Variants in DSCAML1 observed in about 807,000 individuals in gnomAD.
DSCAML1 encodes the protein DS cell adhesion molecule like 1.
DSCAML1 carries 38 observed loss-of-function variants against 200.5 expected under a neutral mutation model. That is an observed-to-expected ratio of 0.19 (90% CI 0.15 to 0.25). DSCAML1 has a LOEUF of 0.25. DSCAML1 is among the 10% of genes least tolerant of loss of function. DSCAML1 has a pLI of 1.00. For synonymous variants in DSCAML1, 1,215 were observed against 1,165.0 expected (o/e 1.04, Z -0.87); for missense variants, 2,223 against 2,858.8 (o/e 0.78, Z 5.07).
At chr11:117,719,861 C>T (rs955337086) in intron 3 of DSCAML1, among the ~76,000 whole-genome samples, 3 of 152,200 alleles carry the variant, frequency 2.0e-5, no homozygotes, top group African/African-American at 7.2e-5. Flanking sequence ...TCCTTCATCA[C>T]TGGAAAAATA....
intron 3 of DSCAML1, among the ~76,000 whole-genome samples, chr11:117,739,022 T>C (rs998868843): frequency 1.3e-5 from 2 of 152,250 alleles, no homozygotes; most frequent in African/African-American, 4.8e-5. Context: ...ACATGTAGTT[T>C]GTAGGGTTTG....
chr11:117,739,760 C>T (rs1371784001), intron 3 of DSCAML1, among the ~76,000 whole-genome samples: 2 of 152,092 alleles, frequency 1.3e-5, no homozygotes, highest in Non-Finnish European at 2.9e-5. Flanking sequence ...ATGAGTTGAT[C>T]ACCCCAACAC....
At chr11:117,529,141 C>A (rs777976319) in intron 4 of DSCAML1, among the ~76,000 whole-genome samples, 1 of 152,026 alleles carries the variant, frequency 6.6e-6, no homozygotes, top group Admixed American at 6.6e-5. Context: ...CATGATCTCG[C>A]GTTCTCGGTT....
rs577470726 is a variant in DSCAML1, at chr11:117,480,321, G to A, written c.2785+122C>T. ...TGCTTGTGCACTGGTGGGTGCTTGTGTGTCTAGCTTGGATGGGCAGCCCTA... is the reference window on the plus strand; with the variant it reads ...TGCTTGTGCACTGGTGGGTGCTTGTATGTCTAGCTTGGATGGGCAGCCCTA... On this transcript the variant is annotated intron_variant, in intron 14 of 32. Coordinates refer to ENST00000651296, the MANE Select transcript of DSCAML1 (RefSeq NM_020693.4). This position sits in a 1 kb window ranked among gnomAD's most constrained non-coding sequence, Gnocchi z 4.1. 12 of 1,431,900 alleles carry A rather than the reference G, an allele frequency of 8.4e-6. No individual in the cohort carries two copies. In the East Asian group the frequency reaches 1.5e-4, roughly 18 times the overall value. The allele number at this position is 1,431,900 out of a possible 1,614,324, so 88.7% of individuals were successfully genotyped here. A position where few individuals can be genotyped will look rare whatever the true frequency, so the allele number is the denominator to read the frequency against.
intron 3 of DSCAML1, among the ~76,000 whole-genome samples, chr11:117,695,311 T>TTTTA (rs2053568960): frequency 6.8e-6 from 1 of 146,070 alleles, no homozygotes. Flanking sequence ...CTTTCTTTCT[T>TTTTA]TTTCTTTTTT....
intron 3 of DSCAML1, among the ~76,000 whole-genome samples, chr11:117,641,969 A>T (rs535536095): frequency 8.5e-5 from 13 of 152,142 alleles, no homozygotes; most frequent in African/African-American, 3.1e-4. Flanking sequence ...TTGGGCTGGG[A>T]TCCCAAGCTA....
intron 3 of DSCAML1, among the ~76,000 whole-genome samples, chr11:117,732,533 T>G (rs2054240391): frequency 1.3e-5 from 2 of 152,206 alleles, no homozygotes; most frequent in Admixed American, 1.3e-4. Context: ...TGTATCTGGA[T>G]GAAGGCTGGA....
chr11:117,677,224 C>T (rs150447459), intron 3 of DSCAML1, among the ~76,000 whole-genome samples: 52 of 152,290 alleles, frequency 3.4e-4, no homozygotes, highest in African/African-American at 1.2e-3. Flanking sequence ...GCGACAAGGA[C>T]CTCTAGATTC....
intron 3 of DSCAML1, among the ~76,000 whole-genome samples, chr11:117,631,862 C>T (rs2052181356): frequency 6.6e-6 from 1 of 152,202 alleles, no homozygotes; most frequent in Non-Finnish European, 1.5e-5. Context: ...AGGAGAAGGC[C>T]CCTAAGCTAA....
At chr11:117,804,689 G>C (rs556882503) in intron 1 of DSCAML1, among the ~76,000 whole-genome samples, 1 of 152,132 alleles carries the variant, frequency 6.6e-6, no homozygotes, top group Admixed American at 6.5e-5. Context: ...CCAGCACTTC[G>C]AGAGGCTGAG....
At chr11:117,650,038 C>T (rs1208116038) in intron 3 of DSCAML1, among the ~76,000 whole-genome samples, 5 of 152,208 alleles carry the variant, frequency 3.3e-5, no homozygotes, top group Non-Finnish European at 5.9e-5. Flanking sequence ...ACAGGCTAGG[C>T]CACTAACTGG....
At chr11:117,724,643 G>A (rs2054093108) in intron 3 of DSCAML1, among the ~76,000 whole-genome samples, 1 of 152,246 alleles carries the variant, frequency 6.6e-6, no homozygotes, top group Admixed American at 6.5e-5. Flanking sequence ...TGTGGCTCCT[G>A]TAAGTAATTC....
intron 5 of DSCAML1, among the ~76,000 whole-genome samples, chr11:117,522,579 G>C (rs1940040): frequency 0.16 from 25,065 of 152,142 alleles, 2,310 homozygotes; most frequent in South Asian, 0.31. Context: ...AGCTCATGTG[G>C]GCCGAGTGCA....
chr11:117,434,012 A>G (rs913775579), intron 27 of DSCAML1, among the ~76,000 whole-genome samples: 13 of 152,238 alleles, frequency 8.5e-5, no homozygotes, highest in African/African-American at 3.1e-4. Flanking sequence ...GGAGCCTTGA[A>G]TAAGATCAGG....
chr11:117,481,251 C>G lies in DSCAML1; in HGVS notation c.2579G>C (p.Gly860Ala). The change falls in exon 13 of 33, where the codon GGG becomes GCG. Residue 860 changes from glycine to alanine, a missense_variant. Physicochemically the swap from Gly to Ala is moderately conservative, Grantham distance 60. Around this residue, in one of 7 missense-constraint regions of DSCAML1, gnomAD observed 438 missense variants for 629.7 expected, o/e 0.70. Coordinates refer to ENST00000651296, the MANE Select transcript of DSCAML1 (RefSeq NM_020693.4). ...ATGGCAGCTGAAGAACACAGAGTCC[C>G]CACGGTCAGCGGGCTTGAGCTGGGA... ...STLKLKPADR[G>A]DSVFFSCHAI... is the part of the protein sequence containing the mutation. 1 of 1,613,834 alleles carries G rather than the reference C, an allele frequency of 6.2e-7. No homozygotes were observed. The highest frequency in any genetic ancestry group is 8.5e-7 in the Non-Finnish European group (1 of 1,179,972).
At chr11:117,789,640 A>G (rs1223707063) in intron 1 of DSCAML1, among the ~76,000 whole-genome samples, 1 of 152,166 alleles carries the variant, frequency 6.6e-6, no homozygotes, top group Non-Finnish European at 1.5e-5. Flanking sequence ...GGTGTATCAG[A>G]GCAACTAGGG....
chr11:117,527,951 C>A (rs1054679191), intron 4 of DSCAML1, among the ~76,000 whole-genome samples: 4 of 152,190 alleles, frequency 2.6e-5, no homozygotes, highest in Admixed American at 2.6e-4. Context: ...GCCCTGTGAC[C>A]TTGGGCAAGT....
chr11:117,503,756 G>C lies in DSCAML1; in HGVS notation c.2359+89C>G, dbSNP rs534004404. 4 of 1,414,374 alleles carry C rather than the reference G, an allele frequency of 2.8e-6. No homozygotes were observed. Among genetic ancestry groups the C allele is most frequent in the Non-Finnish European group, 3.8e-6 (4 of 1,047,706 alleles). 87.6% of individuals were successfully genotyped at this position (1,414,374 alleles called of 1,614,324 possible). On this transcript the variant is annotated intron_variant, in intron 11 of 32. Coordinates refer to ENST00000651296, the MANE Select transcript of DSCAML1 (RefSeq NM_020693.4). This position sits in a 1 kb window ranked among gnomAD's most constrained non-coding sequence, Gnocchi z 5.2. ...GCCTCCCCTTCATAGATGAAACGAC[G>C]GAGACTAAGAGAGTAGGCAGGGAGA...
chr11:117,609,553 T>C (rs983661872), intron 3 of DSCAML1, among the ~76,000 whole-genome samples: 1 of 152,110 alleles, frequency 6.6e-6, no homozygotes, highest in Admixed American at 6.6e-5. Flanking sequence ...GCAATCCTCT[T>C]GCGTCGGCCT....
Sources: allele counts gnomAD v4.1 joint callset (sites outside exome capture counted in the v4.1 genomes callset), GRCh38; gene constraint gnomAD v4.1.1; regional missense constraint gnomAD v4.1.1; non-coding constraint Gnocchi (gnomAD v3.1); transcripts MANE v1.5; gene names NCBI Gene and HGNC (gene_info 2026-07-23, HGNC 2026-07-21).